Variants in CHN2 observed in about 807,000 individuals in gnomAD.
The protein encoded by CHN2 is beta-chimaerin.
CHN2 carries 35 observed loss-of-function variants against 56.3 expected under a neutral mutation model. That is an observed-to-expected ratio of 0.62 (90% CI 0.47 to 0.82). CHN2 has a LOEUF of 0.82. CHN2 is among the 40% of genes least tolerant of loss of function. CHN2 has a pLI of 0.00. For missense variants in CHN2, 491 were observed against 580.5 expected (o/e 0.85, Z 1.58); for synonymous variants, 210 against 212.8 (o/e 0.99, Z 0.12).
intron 6 of CHN2, among the ~76,000 whole-genome samples, chr7:29,439,144 A>G (rs1296687340): frequency 6.6e-6 from 1 of 152,238 alleles, no homozygotes; most frequent in African/African-American, 2.4e-5. Flanking sequence ...TCAGAGGACA[A>G]AAAGGAGACT....
intron 1 of CHN2, among the ~76,000 whole-genome samples, chr7:29,205,875 A>G (rs1784484999): frequency 6.6e-6 from 1 of 152,190 alleles, no homozygotes. Flanking sequence ...AAAATCAGTA[A>G]TAGCGTAGCC....
chr7:29,401,856 G>T (rs1478616580), intron 6 of CHN2, among the ~76,000 whole-genome samples: 1 of 152,120 alleles, frequency 6.6e-6, no homozygotes, highest in East Asian at 1.9e-4. Context: ...AGATTTTTGG[G>T]ATGTGCCCCT....
chr7:29,152,969 C>T (rs1437596437), intron 2 of CHN2, among the ~76,000 whole-genome samples: 1 of 152,246 alleles, frequency 6.6e-6, no homozygotes, highest in East Asian at 1.9e-4. Context: ...CATCCTCTAT[C>T]TGAGGGGTGG....
chr7:29,507,122 C>T (rs1281059730), intron 10 of CHN2, 106 bp from the exon 11 acceptor site: 23 of 1,045,692 alleles, frequency 2.2e-5, no homozygotes, highest in Non-Finnish European at 2.9e-5. Flanking sequence ...TTAGCTGAGA[C>T]TTGTCAGGGA....
chr7:29,391,387 A>C (rs1313789241), intron 3 of CHN2, among the ~76,000 whole-genome samples: 2 of 145,534 alleles, frequency 1.4e-5, no homozygotes, highest in East Asian at 2.1e-4. Context: ...GAAGGGAGGA[A>C]GGGAGGGGAG....
chr7:29,273,020 G>A (rs1288582368), intron 1 of CHN2, among the ~76,000 whole-genome samples: 3 of 151,984 alleles, frequency 2.0e-5, no homozygotes, highest in African/African-American at 4.8e-5. Context: ...TTTATTAACT[G>A]TAGTCCTCAC....
At position 29,227,543 on chromosome 7, in the gene CHN2, C is replaced by T. The variant is rs1048210562; in HGVS notation, c.49+32553C>T. Among the ~76,000 whole-genome samples the T allele has an allele frequency of 1.1e-4, 17 of 152,212 alleles. No individual in the cohort carries two copies. The South Asian group carries it at 2.9e-3, about 26-fold the overall frequency. ...TTCGCCCAGAACCTCAGGGATTGGGCCAGAAAGGGAAGATGACCTCATTGG... is the reference window on the plus strand; with the variant it reads ...TTCGCCCAGAACCTCAGGGATTGGGTCAGAAAGGGAAGATGACCTCATTGG... On this transcript the variant is annotated intron_variant, in intron 1 of 12. Coordinates refer to ENST00000222792, the MANE Select transcript of CHN2 (RefSeq NM_004067.4).
chr7:29,285,628 T>G (rs1170616233), intron 1 of CHN2, among the ~76,000 whole-genome samples: 5 of 152,256 alleles, frequency 3.3e-5, no homozygotes, highest in African/African-American at 1.2e-4. Context: ...TTTTCACATA[T>G]GTGGTTGCTA....
intron 1 of CHN2, among the ~76,000 whole-genome samples, chr7:29,227,405 C>T (rs1206228199): frequency 1.3e-5 from 2 of 152,184 alleles, no homozygotes; most frequent in Non-Finnish European, 2.9e-5. Flanking sequence ...AAAGGTTTGT[C>T]TGCTGTCTAG....
At chr7:29,310,260 T>C (rs927460826) in intron 1 of CHN2, among the ~76,000 whole-genome samples, 4 of 152,164 alleles carry the variant, frequency 2.6e-5, no homozygotes, top group African/African-American at 9.7e-5. Context: ...AAATAAATTA[T>C]GATACATCCA....
chr7:29,355,315 T>G (rs1032925033), intron 2 of CHN2, among the ~76,000 whole-genome samples: 1 of 152,144 alleles, frequency 6.6e-6, no homozygotes, highest in African/African-American at 2.4e-5. Flanking sequence ...AGGACAAATG[T>G]GTTGACTTCT....
At chr7:29,263,828 C>A (rs944064660) in intron 1 of CHN2, among the ~76,000 whole-genome samples, 1 of 150,356 alleles carries the variant, frequency 6.7e-6, no homozygotes, top group African/African-American at 2.4e-5. Context: ...CGTCTCTGAC[C>A]GGCCGCCTCG....
intron 6 of CHN2, among the ~76,000 whole-genome samples, chr7:29,413,403 A>G (rs1803429608): frequency 6.6e-6 from 1 of 152,228 alleles, no homozygotes; most frequent in South Asian, 2.1e-4. Context: ...GAGTAAAAGC[A>G]GTTATATTTT....
rs869037854 is a variant in CHN2, at chr7:29,195,629, A to AGAGAGAGAGAGAGAGAGAGTGTGT, written c.49+640_49+641insAGAGAGAGAGAGAGAGAGTGTGTG. ...GAGAGAGAGAGAGAGAGAGAGAGAG[A>AGAGAGAGAGAGAGAGAGAGTGTGT]GTGTGTGTGTGTGTGTGTGTGAGAG... On this transcript the variant is annotated intron_variant, in intron 1 of 12. Transcript: ENST00000222792. Among the ~76,000 whole-genome samples, 215 of 117,404 alleles carry AGAGAGAGAGAGAGAGAGAGTGTGT rather than the reference A, an allele frequency of 1.8e-3. 2 individuals carry two copies. Among genetic ancestry groups the AGAGAGAGAGAGAGAGAGAGTGTGT allele is most frequent in the East Asian group, 0.013 (33 of 2,616 alleles). The allele number at this position is 117,404 out of a possible 152,430, so 77.0% of individuals were successfully genotyped here. A position where few individuals can be genotyped will look rare whatever the true frequency, so the allele number is the denominator to read the frequency against.
chr7:29,495,931 T>G, intron 7 of CHN2, 21 bp from the exon 8 acceptor site: 2 of 1,609,530 alleles, frequency 1.2e-6, no homozygotes, highest in Non-Finnish European at 1.7e-6. Context: ...TTCTGACATT[T>G]TTCTTCTTTT....
intron 2 of CHN2, among the ~76,000 whole-genome samples, chr7:29,185,752 C>G (rs545862916): frequency 6.6e-6 from 1 of 152,268 alleles, no homozygotes; most frequent in East Asian, 1.9e-4. Context: ...AACCATCGCC[C>G]TAGGACCTTT....
chr7:29,487,590 G>A (rs944509887), intron 7 of CHN2, among the ~76,000 whole-genome samples: 13 of 152,056 alleles, frequency 8.5e-5, no homozygotes, highest in African/African-American at 2.2e-4. Flanking sequence ...ACTCAGGGAC[G>A]GGTGGAAACA....
intron 2 of CHN2, among the ~76,000 whole-genome samples, chr7:29,361,916 C>T (rs1798764866): frequency 6.6e-6 from 1 of 152,256 alleles, no homozygotes; most frequent in Non-Finnish European, 1.5e-5. Context: ...ACAACCTCAT[C>T]TGTGTACCAG....
intron 2 of CHN2, among the ~76,000 whole-genome samples, chr7:29,178,542 C>T (rs922290707): frequency 2.6e-5 from 4 of 152,198 alleles, no homozygotes; most frequent in East Asian, 1.9e-4. Context: ...CTCCGAGAGA[C>T]GTTGCCTGAC....
Sources: allele counts gnomAD v4.1 joint callset (sites outside exome capture counted in the v4.1 genomes callset), GRCh38; gene constraint gnomAD v4.1.1; transcripts MANE v1.5; gene names NCBI Gene and HGNC (gene_info 2026-07-23, HGNC 2026-07-21).